SAMD12: variants seen among roughly 807,000 people sequenced by gnomAD.
SAMD12 encodes sterile alpha motif domain-containing protein 12.
Under a neutral mutation model 15.0 loss-of-function variants are expected in SAMD12, and 9 were observed. The observed-to-expected ratio is 0.60, with a 90% CI of 0.36 to 1.05. The LOEUF (loss-of-function observed/expected upper bound fraction) is 1.05, where lower values mean the gene tolerates loss of function less well. SAMD12 is among the 50% of genes least tolerant of loss of function. The probability of loss-of-function intolerance (pLI) is 0.01; values close to 1 mark genes in which losing one functional copy is unlikely to be tolerated. For missense variants in SAMD12, 230 were observed against 234.2 expected, an observed-to-expected ratio of 0.98 and a Z score of 0.12; for synonymous variants, 86 against 90.1, an observed-to-expected ratio of 0.96 and a Z score of 0.25.
intron 3 of SAMD12, among the ~76,000 whole-genome samples, chr8:118,434,484 T>C (rs888893543): frequency 1.3e-5 from 2 of 152,118 alleles, no homozygotes; most frequent in African/African-American, 2.4e-5. Context: ...GCCTTTAAAG[T>C]TGGCAGGGGA....
the SAMD12 span, among the ~76,000 whole-genome samples, chr8:118,168,858 T>C: frequency 5.9e-5 from 9 of 152,200 alleles, no homozygotes; most frequent in Non-Finnish European, 1.2e-4. Flanking sequence ...TATGAAGATG[T>C]ATATATCCAA....
At chr8:118,391,645 T>A (rs1317878140) in intron 3 of SAMD12, among the ~76,000 whole-genome samples, 4 of 152,222 alleles carry the variant, frequency 2.6e-5, no homozygotes, top group Admixed American at 2.6e-4. Flanking sequence ...AAAAAAGTTT[T>A]AAGTCTACTT....
At chr8:118,404,934 C>T (rs1161831977) in intron 3 of SAMD12, among the ~76,000 whole-genome samples, 1 of 152,076 alleles carries the variant, frequency 6.6e-6, no homozygotes, top group African/African-American at 2.4e-5. Context: ...AGTGTTGGGG[C>T]TACAGGCATG....
chr8:118,591,724 G>A (rs1366102865), intron 1 of SAMD12, among the ~76,000 whole-genome samples: 1 of 151,972 alleles, frequency 6.6e-6, no homozygotes, highest in African/African-American at 2.4e-5. Context: ...AAACCTGGGA[G>A]CAAATTGGGA....
rs539808321 is a variant in SAMD12, at chr8:118,393,886, G to T, written c.323-14186C>A. Among the ~76,000 whole-genome samples the T allele has an allele frequency of 9.9e-5, 15 of 152,276 alleles. 1 individual carries two copies. In the South Asian group the frequency reaches 2.9e-3, roughly 29 times the overall value. ...CAAAGTGCTGGGATTACAGGGATGA[G>T]CCACCAAGCCTGGCCCCATGCATTT... On this transcript the variant is annotated intron_variant, in intron 3 of 3. Coordinates refer to ENST00000314727, the MANE Select transcript of SAMD12 (RefSeq NM_207506.3).
intron 2 of SAMD12, among the ~76,000 whole-genome samples, chr8:118,469,676 C>A (rs568003956): frequency 5.5e-5 from 8 of 144,544 alleles, no homozygotes; most frequent in Admixed American, 5.2e-4. Context: ...GATTCTCCTG[C>A]CTCAGCCTCC....
intron 3 of SAMD12, among the ~76,000 whole-genome samples, chr8:118,387,642 A>C (rs933641002): frequency 1.3e-5 from 2 of 152,190 alleles, no homozygotes; most frequent in African/African-American, 4.8e-5. Context: ...AATAACCTGC[A>C]GTTCTGGGAT....
At chr8:118,374,523 T>C (rs1205862485), downstream of SAMD12, among the ~76,000 whole-genome samples, 2 of 152,178 alleles carry the variant, frequency 1.3e-5, no homozygotes, top group African/African-American at 4.8e-5. Flanking sequence ...TATCATATGG[T>C]AACTCTATTT....
intron 4 of SAMD12, among the ~76,000 whole-genome samples, chr8:118,228,986 G>A (rs962888698): frequency 5.3e-5 from 8 of 152,112 alleles, no homozygotes; most frequent in African/African-American, 1.7e-4. Context: ...CAGCATTTGC[G>A]GTGACCTGAA....
At chr8:118,477,033 G>C (rs1016653774) in intron 2 of SAMD12, among the ~76,000 whole-genome samples, 19 of 151,558 alleles carry the variant, frequency 1.3e-4, no homozygotes, top group Admixed American at 7.9e-4. Flanking sequence ...TTACAGCACC[G>C]AGATGGACCA....
chr8:118,504,377 T>C (rs534053867), intron 2 of SAMD12, among the ~76,000 whole-genome samples: 2 of 152,312 alleles, frequency 1.3e-5, no homozygotes, highest in Admixed American at 1.3e-4. Context: ...AATAAGGGCC[T>C]GCCACAAGTC....
the SAMD12 span, among the ~76,000 whole-genome samples, chr8:118,157,407 C>T: frequency 6.6e-6 from 1 of 152,148 alleles, no homozygotes. Flanking sequence ...ATGGTTACCT[C>T]CAGGGACAGA....
intron 2 of SAMD12, among the ~76,000 whole-genome samples, chr8:118,484,197 G>A (rs1202653573): frequency 1.3e-5 from 2 of 152,188 alleles, no homozygotes; most frequent in Admixed American, 1.3e-4. Context: ...TCTGAAGAAT[G>A]AGCTTAGGTG....
At chr8:118,353,082 G>A (rs1279986805) in intron 4 of SAMD12, among the ~76,000 whole-genome samples, 1 of 151,766 alleles carries the variant, frequency 6.6e-6, no homozygotes, top group African/African-American at 2.4e-5. Context: ...TTTTTTGTGT[G>A]AAAATAATAT....
chr8:118,387,077 T>C (rs951205128), intron 3 of SAMD12, among the ~76,000 whole-genome samples: 1 of 152,242 alleles, frequency 6.6e-6, no homozygotes, highest in African/African-American at 2.4e-5. Context: ...AAATGCCTGT[T>C]GCTCCATCCC....
At chr8:118,575,971 AG>A (rs1168031635) in intron 2 of SAMD12, among the ~76,000 whole-genome samples, 3 of 152,082 alleles carry the variant, frequency 2.0e-5, no homozygotes, top group African/African-American at 7.3e-5. Context: ...CAATTTCAAA[AG>A]AAACTCCTGA....
intron 4 of SAMD12, among the ~76,000 whole-genome samples, chr8:118,237,282 C>T (rs372382515): frequency 6.0e-5 from 9 of 150,648 alleles, no homozygotes; most frequent in Admixed American, 3.3e-4. Context: ...GACTAATGAT[C>T]GTACCTACCT....
chr8:118,436,827 G>GGGCAAC (rs1822587606), intron 3 of SAMD12, among the ~76,000 whole-genome samples: 1 of 152,186 alleles, frequency 6.6e-6, no homozygotes, highest in South Asian at 2.1e-4. Flanking sequence ...TTGGAAAAGA[G>GGGCAAC]CAGCAGCTCA....
chr8:118,171,485 T>C, the SAMD12 span, among the ~76,000 whole-genome samples: 1 of 152,304 alleles, frequency 6.6e-6, no homozygotes, highest in African/African-American at 2.4e-5. Context: ...ATCCATACAG[T>C]GAAGTATTAC....
Sources: gnomAD v4.1 joint callset for allele counts (sites outside exome capture counted in the v4.1 genomes callset) on GRCh38, gnomAD v4.1.1 for gene constraint, MANE v1.5 for transcripts, NCBI Gene and HGNC (gene_info 2026-07-23, HGNC 2026-07-21) for gene names.